CCDC146: variants seen among roughly 807,000 people sequenced by gnomAD.
The protein encoded by CCDC146 is coiled-coil domain-containing protein 146.
A neutral mutation model predicts 119.3 loss-of-function variants in CCDC146; 92 were observed. That is an observed-to-expected ratio of 0.77 (90% CI 0.65 to 0.92). CCDC146 has a LOEUF of 0.92. Ranked by LOEUF, CCDC146 falls within the 40% of genes least tolerant of loss-of-function variation. The probability of loss-of-function intolerance (pLI) is 0.00; values close to 1 mark genes in which losing one functional copy is unlikely to be tolerated. For missense variants in CCDC146, 1,000 were observed against 1,103.0 expected (o/e 0.91, Z 1.32); for synonymous variants, 372 against 371.8 (o/e 1.00, Z -0.01).
intron 17 of CCDC146, among the ~76,000 whole-genome samples, chr7:77,290,539 A>G (rs563410553): frequency 2.9e-4 from 44 of 152,350 alleles, no homozygotes; most frequent in African/African-American, 8.2e-4. Context: ...TAGCTTATCT[A>G]AGTCTTAGCA....
chr7:77,124,254 C>T (rs1790663791), intron 1 of CCDC146, among the ~76,000 whole-genome samples: 1 of 152,086 alleles, frequency 6.6e-6, no homozygotes. Context: ...ATTTACTTTG[C>T]TGATCATACA....
chr7:77,146,401 T>G (rs1791020248), intron 1 of CCDC146, among the ~76,000 whole-genome samples: 1 of 152,124 alleles, frequency 6.6e-6, no homozygotes, highest in South Asian at 2.1e-4. Flanking sequence ...ATTGGAGCAC[T>G]TAGCCCATAA....
chr7:77,234,461 G>A (rs1488918826), intron 2 of CCDC146, among the ~76,000 whole-genome samples: 1 of 152,162 alleles, frequency 6.6e-6, no homozygotes, highest in Non-Finnish European at 1.5e-5. Context: ...TAGACCGGGC[G>A]CAGTGGCTCA....
At chr7:77,276,932 C>T (rs566509426) in intron 11 of CCDC146, among the ~76,000 whole-genome samples, 62 of 152,220 alleles carry the variant, frequency 4.1e-4, no homozygotes, top group African/African-American at 1.3e-3. Flanking sequence ...ATTAGCCTGG[C>T]GTGGTGGTGG....
At chr7:77,275,229 G>C (rs1044456611) in intron 11 of CCDC146, among the ~76,000 whole-genome samples, 12 of 152,120 alleles carry the variant, frequency 7.9e-5, no homozygotes, top group Non-Finnish European at 1.5e-4. Flanking sequence ...TTTTCTTACA[G>C]GTGAGTTCCA....
intron 1 of CCDC146, among the ~76,000 whole-genome samples, chr7:77,166,580 C>T (rs1791340479): frequency 6.6e-6 from 1 of 151,336 alleles, no homozygotes; most frequent in Non-Finnish European, 1.5e-5. Context: ...CAAGATATTA[C>T]ATTATTGTTA....
intron 1 of CCDC146, among the ~76,000 whole-genome samples, chr7:77,127,499 C>T (rs1400986059): frequency 6.6e-6 from 1 of 152,128 alleles, no homozygotes. Context: ...CTAGATTCAA[C>T]TTGCTAAATT....
Position 77,251,516 on chromosome 7 carries a change from G to A in CCDC146, c.450-2990G>A, listed in dbSNP as rs550688560. ...TTCAGATTGTGTTTTTTGCCTTTCAGTGTGCCTTGCAGTTTTTTTCTTGAT... is the reference window on the plus strand; with the variant it reads ...TTCAGATTGTGTTTTTTGCCTTTCAATGTGCCTTGCAGTTTTTTTCTTGAT... On this transcript the variant is annotated intron_variant, in intron 4 of 18. Transcript: ENST00000285871. Among the ~76,000 whole-genome samples the A allele has an allele frequency of 2.6e-3, 393 of 152,190 alleles. 1 individual carries two copies. The highest frequency in any genetic ancestry group is 9.2e-3 in the African/African-American group (380 of 41,506).
intron 5 of CCDC146, 133 bp from the exon 6 acceptor site, chr7:77,256,200 T>A: frequency 1.6e-6 from 1 of 622,126 alleles, no homozygotes; most frequent in Non-Finnish European, 2.7e-6. Context: ...TCATTTAACC[T>A]TGTGAGAAAT....
chr7:77,185,492 A>C (rs1791653433), intron 2 of CCDC146, among the ~76,000 whole-genome samples: 1 of 152,184 alleles, frequency 6.6e-6, no homozygotes, highest in South Asian at 2.1e-4. Flanking sequence ...CAAGACTATC[A>C]AGGTAGTATC....
At position 77,229,882 on chromosome 7, in the gene CCDC146, T is replaced by TA. The variant is rs1436637134; in HGVS notation, c.157-7065_157-7064insA. On this transcript the variant is annotated intron_variant, in intron 2 of 18. Coordinates refer to ENST00000285871, the MANE Select transcript of CCDC146 (RefSeq NM_020879.3). ...TTAGTATATATACAGAGTTGTATAA[T>TA]CATGGCATAATTGTAGAATATTTCC... is the stretch of plus-strand genomic sequence containing the variant. Among the ~76,000 whole-genome samples, 522 of 152,336 alleles carry TA rather than the reference T, an allele frequency of 3.4e-3. 3 individuals are homozygous for TA. The highest frequency in any genetic ancestry group is 0.012 in the African/African-American group (499 of 41,586).
At chr7:77,242,400 C>G in intron 4 of CCDC146, 5 of 986,630 alleles carry the variant, frequency 5.1e-6, no homozygotes, top group Non-Finnish European at 4.8e-6. Flanking sequence ...TCTCCTACTA[C>G]TAGATTGTTC....
chr7:77,279,856 C>T (rs76012587), intron 13 of CCDC146, among the ~76,000 whole-genome samples: 3,640 of 152,256 alleles, frequency 0.024, 62 homozygotes, highest in Middle Eastern at 0.048. Flanking sequence ...AAACAGTACA[C>T]GATCAGGGTA....
chr7:77,210,306 C>CT (rs1173418943), intron 2 of CCDC146, among the ~76,000 whole-genome samples: 3 of 152,204 alleles, frequency 2.0e-5, no homozygotes, highest in Non-Finnish European at 4.4e-5. Flanking sequence ...TCATCTCTCT[C>CT]AAGTTCAAAA....
At chr7:77,166,812 C>A (rs1291631983) in intron 1 of CCDC146, among the ~76,000 whole-genome samples, 1 of 152,054 alleles carries the variant, frequency 6.6e-6, no homozygotes, top group Non-Finnish European at 1.5e-5. Context: ...CTGGGTCCTG[C>A]AAATTATGTG....
intron 2 of CCDC146, among the ~76,000 whole-genome samples, chr7:77,233,468 G>A (rs1792674197): frequency 6.6e-6 from 1 of 152,002 alleles, no homozygotes; most frequent in Admixed American, 6.6e-5. Context: ...CCACCCCCTG[G>A]ATTGGTCTGT....
chr7:77,251,404 G>A (rs1159542922), intron 4 of CCDC146, among the ~76,000 whole-genome samples: 6 of 152,102 alleles, frequency 3.9e-5, no homozygotes, highest in Non-Finnish European at 7.4e-5. Context: ...ATCTGTTAGC[G>A]TTCTTAGCCT....
Position 77,258,554 on chromosome 7 carries a change from C to A in CCDC146, c.685-441C>A, listed in dbSNP as rs529490346. ...TGTTTATTTACTGTGTGGCACTCAA[C>A]ACTTTATTATATAATAAGCTTTGTA... On this transcript the variant is annotated intron_variant, in intron 6 of 18. Transcript: ENST00000285871. Among the ~76,000 whole-genome samples, 5 of 152,298 alleles carry A rather than the reference C, an allele frequency of 3.3e-5. No individual in the cohort carries two copies. The East Asian group carries it at 9.6e-4, about 29-fold the overall frequency.
rs762843718 is a variant in CCDC146 at position 77,130,897 on chromosome 7, C to CT, written c.-12+8178dup. ...CAGGCGTGAGCCACCGCGCCCGGCC[C>CT]TTTTTTTTTTTTTAAACGGAGTCTC... is the stretch of plus-strand genomic sequence containing the variant. On this transcript the variant is annotated intron_variant, in intron 1 of 18. Coordinates refer to ENST00000285871, the MANE Select transcript of CCDC146 (RefSeq NM_020879.3). Among the ~76,000 whole-genome samples, 130 of 131,614 alleles carry CT rather than the reference C, an allele frequency of 9.9e-4. 1 individual carries two copies. The highest frequency in any genetic ancestry group is 7.2e-3 in the South Asian group (30 of 4,170). The allele number at this position is 131,614 out of a possible 152,430, so 86.3% of individuals were successfully genotyped here.
Sources: gnomAD v4.1 joint callset for allele counts (sites outside exome capture counted in the v4.1 genomes callset) on GRCh38, gnomAD v4.1.1 for gene constraint, MANE v1.5 for transcripts, NCBI Gene and HGNC (gene_info 2026-07-23, HGNC 2026-07-21) for gene names.